PIK3R3: variants seen among roughly 807,000 people sequenced by gnomAD.
PIK3R3 encodes the protein phosphatidylinositol 3-kinase regulatory subunit gamma.
A neutral mutation model predicts 62.9 loss-of-function variants in PIK3R3; 64 were observed. That is an observed-to-expected ratio of 1.02 (90% CI 0.83 to 1.25). The LOEUF (loss-of-function observed/expected upper bound fraction) is 1.25, where lower values mean the gene tolerates loss of function less well. PIK3R3 is among the 50% of genes most tolerant of loss of function. The probability of loss-of-function intolerance (pLI) is 0.00; values close to 1 mark genes in which losing one functional copy is unlikely to be tolerated. For missense variants in PIK3R3, 614 were observed against 561.6 expected, an observed-to-expected ratio of 1.09 and a Z score of -0.94; for synonymous variants, 165 against 189.0, an observed-to-expected ratio of 0.87 and a Z score of 1.04.
At chr1:46,140,287 C>T in the PIK3R3 span, among the ~76,000 whole-genome samples, 1 of 152,208 alleles carries the variant, frequency 6.6e-6, no homozygotes, top group African/African-American at 2.4e-5. Flanking sequence ...GCCACCACAC[C>T]GTGTCCCCTC....
the PIK3R3 span, among the ~76,000 whole-genome samples, chr1:46,165,912 A>C: frequency 2.7e-5 from 4 of 150,766 alleles, no homozygotes; most frequent in African/African-American, 9.8e-5. Flanking sequence ...CTGGGACTAC[A>C]GGCGCCCGCC....
At chr1:46,098,639 C>T (rs1652368784) in intron 1 of PIK3R3, among the ~76,000 whole-genome samples, 1 of 152,142 alleles carries the variant, frequency 6.6e-6, no homozygotes, top group Non-Finnish European at 1.5e-5. Flanking sequence ...CCATAATAGG[C>T]AAACTTATAG....
At chr1:46,095,479 G>A (rs1166852739) in intron 1 of PIK3R3, among the ~76,000 whole-genome samples, 1 of 152,150 alleles carries the variant, frequency 6.6e-6, no homozygotes, top group Non-Finnish European at 1.5e-5. Flanking sequence ...CAACATGGCA[G>A]GGAACAACAC....
At chr1:46,155,965 A>G in the PIK3R3 span, among the ~76,000 whole-genome samples, 1 of 152,206 alleles carries the variant, frequency 6.6e-6, no homozygotes, top group East Asian at 1.9e-4. Flanking sequence ...TATGTCCACA[A>G]GGCCTAAGAT....
chr1:46,126,951 A>C (rs1400147274), intron 1 of PIK3R3, among the ~76,000 whole-genome samples: 2 of 152,174 alleles, frequency 1.3e-5, no homozygotes, highest in African/African-American at 4.8e-5. Context: ...AAAAATTGAG[A>C]ACCACTTTTC....
chr1:46,100,530 T>C (rs1488953765), intron 1 of PIK3R3, among the ~76,000 whole-genome samples: 1 of 152,206 alleles, frequency 6.6e-6, no homozygotes, highest in Non-Finnish European at 1.5e-5. Context: ...TAAATATTAA[T>C]AATATGGCTT....
chr1:46,109,536 T>C (rs1653540858), intron 1 of PIK3R3, among the ~76,000 whole-genome samples: 1 of 152,100 alleles, frequency 6.6e-6, no homozygotes, highest in African/African-American at 2.4e-5. Flanking sequence ...CAGGCTGAAG[T>C]ACAGTGACGC....
intron 1 of PIK3R3, among the ~76,000 whole-genome samples, chr1:46,096,708 C>A (rs1328640851): frequency 6.6e-6 from 1 of 151,752 alleles, no homozygotes; most frequent in East Asian, 1.9e-4. Context: ...AGCAGCCTGG[C>A]CAACATGGTG....
chr1:46,100,725 C>T (rs771701113), intron 1 of PIK3R3, among the ~76,000 whole-genome samples: 48 of 152,112 alleles, frequency 3.2e-4, no homozygotes, highest in Non-Finnish European at 6.3e-4. Context: ...CTGGGTCTTC[C>T]TATCAGTTAA....
At chr1:46,128,149 G>A (rs1185261083) in intron 1 of PIK3R3, among the ~76,000 whole-genome samples, 6 of 152,136 alleles carry the variant, frequency 3.9e-5, no homozygotes, top group Non-Finnish European at 7.4e-5. Context: ...AAATTAAGAT[G>A]AAAGGCTAGG....
chr1:46,071,712 AAT>A (rs1553148027), intron 3 of PIK3R3, among the ~76,000 whole-genome samples: 16 of 24,658 alleles, frequency 6.5e-4, no homozygotes, highest in South Asian at 5.5e-3. Context: ...AAAAAAAAAA[AAT>A]ATATATATAT....
intron 1 of PIK3R3, among the ~76,000 whole-genome samples, chr1:46,102,858 T>TTATATATATATATATATATA (rs997197319): frequency 7.3e-6 from 1 of 137,468 alleles, no homozygotes; most frequent in African/African-American, 2.8e-5. Flanking sequence ...CAAAGAGACA[T>TTATATATATATATATATATA]TATAGTAGCA....
chr1:46,045,767 AG>A, intron 9 of PIK3R3, 150 bp downstream of exon 9: 1 of 648,036 alleles, frequency 1.5e-6, no homozygotes, highest in East Asian at 2.9e-5. Context: ...TTTCTCATAA[AG>A]CTGGGTTTTT....
the PIK3R3 span, among the ~76,000 whole-genome samples, chr1:46,140,400 A>G: frequency 6.6e-6 from 1 of 152,108 alleles, no homozygotes; most frequent in Non-Finnish European, 1.5e-5. Flanking sequence ...CACTAATACT[A>G]TTTTAATGAG....
chr1:46,152,626 G>T, the PIK3R3 span, among the ~76,000 whole-genome samples: 1 of 144,906 alleles, frequency 6.9e-6, no homozygotes, highest in African/African-American at 2.6e-5. Flanking sequence ...GCAGTGGCGT[G>T]ATCTCTGCTC....
chr1:46,091,010 T>C (rs1354252395), intron 1 of PIK3R3, among the ~76,000 whole-genome samples: 3 of 151,992 alleles, frequency 2.0e-5, no homozygotes, highest in African/African-American at 7.2e-5. Context: ...TTTTTATTAT[T>C]TTGAGAGGAG....
At chr1:46,078,500 C>T (rs1650275803) in intron 2 of PIK3R3, among the ~76,000 whole-genome samples, 1 of 152,124 alleles carries the variant, frequency 6.6e-6, no homozygotes, top group African/African-American at 2.4e-5. Flanking sequence ...TGAGACTGCA[C>T]CACTGCACGC....
the PIK3R3 span, among the ~76,000 whole-genome samples, chr1:46,156,647 A>T: frequency 6.6e-6 from 1 of 152,090 alleles, no homozygotes; most frequent in Non-Finnish European, 1.5e-5. Flanking sequence ...CCTGGACTGA[A>T]TGGGGCATTT....
intron 3 of PIK3R3, among the ~76,000 whole-genome samples, chr1:46,075,734 G>T (rs1046696804): frequency 6.6e-6 from 1 of 152,158 alleles, no homozygotes; most frequent in African/African-American, 2.4e-5. Flanking sequence ...TAAATATGAG[G>T]GGATTTATCA....
Sources: gnomAD v4.1 joint callset for allele counts (sites outside exome capture counted in the v4.1 genomes callset) on GRCh38, gnomAD v4.1.1 for gene constraint, MANE v1.5 for transcripts, NCBI Gene and HGNC (gene_info 2026-07-23, HGNC 2026-07-21) for gene names.